The following CEBPZ variants were observed in gnomAD, a reference collection of about 807,000 sequenced individuals.
The protein encoded by CEBPZ is CCAAT enhancer binding protein zeta.
Under a neutral mutation model 104.5 loss-of-function variants are expected in CEBPZ, and 78 were observed. That is an observed-to-expected ratio of 0.75 (90% CI 0.62 to 0.90). The LOEUF (loss-of-function observed/expected upper bound fraction) is 0.90. CEBPZ is among the 40% of genes least tolerant of loss of function. The pLI is 0.00. For synonymous variants in CEBPZ, 470 were observed against 427.0 expected (o/e 1.10, Z -1.24); for missense variants, 1,439 against 1,233.5 (o/e 1.17, Z -2.50).
rs1558470844 is a variant in CEBPZ, at chr2:37,211,984, C to G, written c.2659G>C (p.Glu887Gln). The G allele has an allele frequency of 1.9e-6, 3 of 1,612,550 alleles. No individual in the cohort carries two copies. The highest frequency in any genetic ancestry group is 2.2e-5 in the East Asian group (1 of 44,850). The change falls in exon 12 of 16, where the codon GAA becomes CAA. Residue 887 changes from glutamate (E) to glutamine (Q), a missense_variant. Glu to Gln is a conservative substitution (Grantham distance 29). Transcript: ENST00000234170. ...AKDNTLDEDS[E>Q]GSDDELGNLD... ...TTACCAAGTTCATCATCACTACCTTCTGAATCTTCATCTAATGTGTTATCC... is the reference window on the plus strand; with the variant it reads ...TTACCAAGTTCATCATCACTACCTTGTGAATCTTCATCTAATGTGTTATCC...
At chr2:37,205,563 A>C (rs1229107424) in intron 13 of CEBPZ, among the ~76,000 whole-genome samples, 1 of 152,188 alleles carries the variant, frequency 6.6e-6, no homozygotes, top group East Asian at 1.9e-4. Context: ...GCCCGCCTGC[A>C]CCCAGGTGAA....
intron 9 of CEBPZ, 73 bp from the exon 10 acceptor site, chr2:37,214,034 A>T (rs1677806321): frequency 4.0e-6 from 3 of 748,184 alleles, no homozygotes; most frequent in Non-Finnish European, 6.0e-6. Context: ...CAAAGCACCT[A>T]TGACCAGTGG....
intron 1 of CEBPZ, among the ~76,000 whole-genome samples, chr2:37,231,053 G>A (rs1181147319): frequency 6.6e-6 from 1 of 152,102 alleles, no homozygotes; most frequent in Non-Finnish European, 1.5e-5. Flanking sequence ...TGTACTCTAT[G>A]AGAACAGAAA....
In CEBPZ at chr2:37,228,397, C is replaced by T. The variant is rs1664944054; in HGVS notation, c.796G>A (p.Val266Ile). 1 of 1,614,214 alleles carries T rather than the reference C, an allele frequency of 6.2e-7. No individual in the cohort carries two copies. Among genetic ancestry groups the T allele is most frequent in the African/African-American group, 1.3e-5 (1 of 75,050 alleles). The change falls in exon 2 of 16, where the codon GTA becomes ATA. Residue 266 changes from valine (V) to isoleucine (I), a missense_variant. By Grantham distance (29) the Val-to-Ile change is conservative (BLOSUM62 3). Transcript: ENST00000234170. ...QDDAVHTLQF[V>I]ETLVNLVKKK... ...TTAACAAGGTTCACAAGAGTTTCTACAAACTGAAGTGTGTGAACGGCATCA... is the reference window on the plus strand; with the variant it reads ...TTAACAAGGTTCACAAGAGTTTCTATAAACTGAAGTGTGTGAACGGCATCA...
At chr2:37,220,951 C>T (rs1259794345) in intron 4 of CEBPZ, among the ~76,000 whole-genome samples, 6 of 150,670 alleles carry the variant, frequency 4.0e-5, no homozygotes, top group East Asian at 2.0e-4. Context: ...GAACCAAGAT[C>T]GTGCCATTGT....
At chr2:37,218,354 A>T (rs1252272484) in intron 5 of CEBPZ, among the ~76,000 whole-genome samples, 1 of 152,234 alleles carries the variant, frequency 6.6e-6, no homozygotes, top group Non-Finnish European at 1.5e-5. Context: ...CAGTTTTGCA[A>T]ATCTCTTTAA....
At position 37,211,972 on chromosome 2, in the gene CEBPZ, CATCACTACCTTCTGA is replaced by C. The variant is rs1292086291; in HGVS notation, c.2656_2670del (p.Ser886_Asp890del). On this transcript the variant is annotated inframe_deletion, in exon 12 of 16. Coordinates refer to ENST00000234170, the MANE Select transcript of CEBPZ (RefSeq NM_005760.3). ...TCGTCATCCAGGTTACCAAGTTCAT[CATCACTACCTTCTGA>C]ATCTTCATCTAATGTGTTATCCTTA... The C allele has an allele frequency of 1.2e-6, 2 of 1,613,504 alleles. No homozygotes were observed. Among genetic ancestry groups the C allele is most frequent in the Admixed American group, 3.3e-5 (2 of 59,870 alleles).
chr2:37,220,404 C>G lies in CEBPZ; in HGVS notation c.2135G>C (p.Ser712Thr), dbSNP rs1285601956. The G allele has an allele frequency of 1.3e-6, 2 of 1,584,046 alleles. No individual in the cohort carries two copies. The highest frequency in any genetic ancestry group is 1.7e-6 in the Non-Finnish European group (2 of 1,159,570). The change falls in exon 5 of 16, where the codon AGT (serine) becomes ACT (threonine). Residue 712 changes from serine to threonine, a missense_variant. By Grantham distance (58) the Ser-to-Thr change is moderately conservative. Coordinates refer to ENST00000234170, the MANE Select transcript of CEBPZ (RefSeq NM_005760.3). ...TTTTACCTTTTTGAGTTCCCAAAGACTTGTATTTTCAGCTCCACAGAACAG... is the reference window on the plus strand; with the variant it reads ...TTTTACCTTTTTGAGTTCCCAAAGAGTTGTATTTTCAGCTCCACAGAACAG... ...NPLFCGAENTSLWELKKLSVH... is the reference protein window; with the variant it reads ...NPLFCGAENTTLWELKKLSVH...
At chr2:37,227,491 GTAC>G (rs1664915653) in intron 2 of CEBPZ, 50 bp downstream of exon 2, 8 of 1,528,738 alleles carry the variant, frequency 5.2e-6, no homozygotes, top group Non-Finnish European at 7.0e-6. Context: ...TGCTTGTGCT[GTAC>G]TACATCAAGT....
At chr2:37,222,667 T>C (rs555733596) in intron 3 of CEBPZ, 104 bp from the exon 4 acceptor site, 1 of 725,476 alleles carries the variant, frequency 1.4e-6, no homozygotes, top group East Asian at 3.0e-5. Flanking sequence ...GCAACTCTGG[T>C]GAAACGTGAA....
At chr2:37,212,072 A>AGGCAGTATTTTCTAAAGT (rs750593278) in intron 11 of CEBPZ, 33 bp from the exon 12 acceptor site, 20 of 1,541,042 alleles carry the variant, frequency 1.3e-5, no homozygotes, top group Non-Finnish European at 1.5e-5. Flanking sequence ...ATACAAGAGG[A>AGGCAGTATTTTCTAAAGT]GGCAGTATTT....
At chr2:37,212,313 G>A (rs1334762860) in intron 11 of CEBPZ, 22 bp downstream of exon 11, 22 of 1,602,662 alleles carry the variant, frequency 1.4e-5, no homozygotes, top group Non-Finnish European at 1.8e-5. Flanking sequence ...AAAATAGGAA[G>A]GAGAAGATAG....
In CEBPZ at chr2:37,228,863, T is replaced by C. The variant is rs748541581; in HGVS notation, c.330A>G (p.Lys110=). The C allele has an allele frequency of 1.9e-6, 3 of 1,599,858 alleles. No individual in the cohort carries two copies. In the Admixed American group the frequency reaches 5.3e-5, roughly 28 times the overall value. Residue 110 remains lysine (K), a synonymous_variant, in exon 2 of 16, where the codon AAA becomes AAG. Transcript: ENST00000234170. ...TTACTTCTTTTTTGCTGGAATTTTCTTTTTCAGCTGGTTCATCTTCTTCAA... is the reference window on the plus strand; with the variant it reads ...TTACTTCTTTTTTGCTGGAATTTTCCTTTTCAGCTGGTTCATCTTCTTCAA... The part of the protein sequence containing the change: ...SLVEEDEPAE[K]ENSSKKEVKI...
At chr2:37,218,299 T>G (rs1664686543) in intron 5 of CEBPZ, among the ~76,000 whole-genome samples, 1 of 151,596 alleles carries the variant, frequency 6.6e-6, no homozygotes, top group African/African-American at 2.4e-5. Flanking sequence ...AAAAGAAAAA[T>G]AATTATGCTT....
In CEBPZ at chr2:37,213,901, T is replaced by C; in HGVS notation, c.2508A>G (p.Ile836Met). 6.2e-7 allele frequency: 1 copy of C among 1,603,194 alleles called. No homozygotes were observed. The highest frequency in any genetic ancestry group is 8.5e-7 in the Non-Finnish European group (1 of 1,176,476). The change falls in exon 10 of 16, where the codon ATA (isoleucine) becomes ATG (methionine). Residue 836 changes from isoleucine to methionine, a missense_variant. By Grantham distance (10) the Ile-to-Met change is conservative. Transcript: ENST00000234170. ...KQKRDADEES[I>M]EDVDDEEFEE... ...CAAATTCTTCATCATCCACGTCTTCTATACTTTCTTCATCTGCATCCCGTT... is the reference window on the plus strand; with the variant it reads ...CAAATTCTTCATCATCCACGTCTTCCATACTTTCTTCATCTGCATCCCGTT...
At position 37,231,573 on chromosome 2, in the gene CEBPZ, G is replaced by A. The variant is rs367950632; in HGVS notation, c.-6C>T. ...GGCTCCTTGACTGCGGCCATGGCGGGCAAAGCATACGCGCGTGAAACTCAG... is the reference window on the plus strand; with the variant it reads ...GGCTCCTTGACTGCGGCCATGGCGGACAAAGCATACGCGCGTGAAACTCAG... On this transcript the variant is annotated 5_prime_UTR_variant, in exon 1 of 16. Coordinates refer to ENST00000234170, the MANE Select transcript of CEBPZ (RefSeq NM_005760.3). The A allele has an allele frequency of 6.8e-6, 11 of 1,614,224 alleles. No homozygotes were observed. In the East Asian group the frequency reaches 1.1e-4, roughly 16 times the overall value.
intron 15 of CEBPZ, 22 bp from the exon 16 acceptor site, chr2:37,201,925 T>C (rs749138965): frequency 1.2e-6 from 2 of 1,610,242 alleles, no homozygotes; most frequent in Non-Finnish European, 1.7e-6. Flanking sequence ...GAAGAAAAGA[T>C]GAGTGTACTA....
At chr2:37,221,945 G>A (rs1572506218) in intron 4 of CEBPZ, among the ~76,000 whole-genome samples, 2 of 152,026 alleles carry the variant, frequency 1.3e-5, no homozygotes, top group Non-Finnish European at 2.9e-5. Context: ...ACCACTTAAC[G>A]TTTCTATCTT....
chr2:37,206,537 T>C (rs557274097), intron 13 of CEBPZ, among the ~76,000 whole-genome samples: 47 of 152,310 alleles, frequency 3.1e-4, no homozygotes, highest in African/African-American at 1.0e-3. Context: ...TTTGTATTTT[T>C]TGTAGAGATA....
Sources: allele counts gnomAD v4.1 joint callset (sites outside exome capture counted in the v4.1 genomes callset), GRCh38; gene constraint gnomAD v4.1.1; transcripts MANE v1.5; gene names NCBI Gene and HGNC (gene_info 2026-07-23, HGNC 2026-07-21).